The following PHACTR3 variants were observed in gnomAD, a reference collection of about 807,000 sequenced individuals.
PHACTR3 encodes the protein protein phosphatase 1, regulatory subunit 123.
A neutral mutation model predicts 66.8 loss-of-function variants in PHACTR3; 16 were observed. That is an observed-to-expected ratio of 0.24 (90% confidence interval 0.16 to 0.36). PHACTR3 has a LOEUF of 0.36. Among genes scored for constraint, PHACTR3 ranks in the 10% least tolerant of loss-of-function variants. The pLI, the probability that PHACTR3 is intolerant of heterozygous loss-of-function variation, is 1.00. For synonymous variants in PHACTR3, 323 were observed against 292.1 expected, an observed-to-expected ratio of 1.11 and a Z score of -1.08; for missense variants, 647 against 719.9, an observed-to-expected ratio of 0.90 and a Z score of 1.16.
At chr20:59,815,963 C>A (rs2041876572) in intron 8 of PHACTR3, among the ~76,000 whole-genome samples, 1 of 151,982 alleles carries the variant, frequency 6.6e-6, no homozygotes, top group Non-Finnish European at 1.5e-5. Context: ...TTCCATGGAC[C>A]AGGGAGGAGG....
At chr20:59,651,732 G>A (rs182905133) in intron 1 of PHACTR3, among the ~76,000 whole-genome samples, 4 of 152,218 alleles carry the variant, frequency 2.6e-5, no homozygotes, top group South Asian at 2.1e-4. Context: ...AGAAATGAGC[G>A]TGTTCTCTCT....
intron 1 of PHACTR3, among the ~76,000 whole-genome samples, chr20:59,589,216 A>G (rs1479817431): frequency 6.6e-6 from 1 of 152,248 alleles, no homozygotes; most frequent in African/African-American, 2.4e-5. Flanking sequence ...TGGGCTTTGG[A>G]AGACCCTTGC....
At chr20:59,636,620 A>G (rs1348428803) in intron 1 of PHACTR3, among the ~76,000 whole-genome samples, 1 of 152,202 alleles carries the variant, frequency 6.6e-6, no homozygotes, top group Non-Finnish European at 1.5e-5. Flanking sequence ...GTGACCTCTC[A>G]GAGCCTAAAT....
chr20:59,717,769 A>G (rs1260804597), intron 1 of PHACTR3, among the ~76,000 whole-genome samples: 1 of 152,230 alleles, frequency 6.6e-6, no homozygotes, highest in Non-Finnish European at 1.5e-5. Flanking sequence ...TTTTTTGACT[A>G]TTCCTCCAGA....
At position 59,818,340 on chromosome 20, in the gene PHACTR3, C is replaced by T. The variant is rs537223876; in HGVS notation, c.1328+12146C>T. The stretch of plus-strand genomic sequence containing the variant: ...GCAATGAGCCGTCACACGTAGAATG[C>T]CTGGAATCATGCCTGGCAGAGAGGA... On this transcript the variant is annotated intron_variant, in intron 8 of 12. Transcript: ENST00000371015. Among the ~76,000 whole-genome samples, 279 of 152,276 alleles carry T rather than the reference C, an allele frequency of 1.8e-3. 1 individual carries two copies. Among genetic ancestry groups the T allele is most frequent in the Middle Eastern group, 6.8e-3 (2 of 294 alleles).
chr20:59,722,868 G>A (rs1194610577), intron 1 of PHACTR3, among the ~76,000 whole-genome samples: 2 of 152,012 alleles, frequency 1.3e-5, no homozygotes, highest in Non-Finnish European at 2.9e-5. Context: ...GCTTGTAAGA[G>A]GCAAGCTTGT....
intron 4 of PHACTR3, among the ~76,000 whole-genome samples, chr20:59,758,358 G>A (rs1268056328): frequency 6.6e-6 from 1 of 152,192 alleles, no homozygotes; most frequent in Non-Finnish European, 1.5e-5. Flanking sequence ...CAATGATAGA[G>A]ATTTGCTTTT....
chr20:59,638,634 G>A (rs1164389274), intron 1 of PHACTR3, among the ~76,000 whole-genome samples: 2 of 149,306 alleles, frequency 1.3e-5, no homozygotes, highest in East Asian at 4.1e-4. Context: ...TTGGAGAATG[G>A]GTGGATGGGT....
chr20:59,681,004 C>G (rs1269071026), intron 1 of PHACTR3, among the ~76,000 whole-genome samples: 2 of 152,142 alleles, frequency 1.3e-5, no homozygotes, highest in African/African-American at 2.4e-5. Flanking sequence ...GCTGTGGCAT[C>G]TGCCCAGGAA....
At chr20:59,804,942 G>T (rs1600686436) in intron 7 of PHACTR3, among the ~76,000 whole-genome samples, 1 of 152,220 alleles carries the variant, frequency 6.6e-6, no homozygotes, top group East Asian at 1.9e-4. Context: ...GATCATATTG[G>T]ATAACAACTT....
At chr20:59,686,120 G>T (rs894856414) in intron 1 of PHACTR3, among the ~76,000 whole-genome samples, 2 of 152,188 alleles carry the variant, frequency 1.3e-5, no homozygotes, top group Non-Finnish European at 2.9e-5. Context: ...CCACCTTAAA[G>T]ACAGGAATTC....
intron 1 of PHACTR3, among the ~76,000 whole-genome samples, chr20:59,662,762 G>T (rs540670468): frequency 5.7e-4 from 87 of 152,240 alleles, no homozygotes; most frequent in African/African-American, 1.8e-3. Context: ...GGTGCTGGGG[G>T]CCAGTCCTGG....
chr20:59,672,483 C>G (rs532376999), intron 1 of PHACTR3, among the ~76,000 whole-genome samples: 21 of 152,276 alleles, frequency 1.4e-4, no homozygotes, highest in Admixed American at 3.3e-4. Flanking sequence ...GCCATGGGGG[C>G]TAGGATCTGG....
chr20:59,675,866 G>A (rs1234684881), intron 1 of PHACTR3, among the ~76,000 whole-genome samples: 2 of 152,238 alleles, frequency 1.3e-5, no homozygotes, highest in Non-Finnish European at 2.9e-5. Context: ...GCCAGCAGTA[G>A]ACATACCTGC....
At position 59,623,518 on chromosome 20, in the gene PHACTR3, G is replaced by A. The variant is rs536189832; in HGVS notation, c.118+18386G>A. ...AGCTGCTGATGGCTTTCTTGTGTAC[G>A]CTCTCAGGAAATTTCTATGCATTCT... On this transcript the variant is annotated intron_variant, in intron 1 of 12. Coordinates refer to ENST00000371015, the MANE Select transcript of PHACTR3 (RefSeq NM_080672.5). Among the ~76,000 whole-genome samples the A allele has an allele frequency of 3.9e-5, 6 of 152,288 alleles. No homozygotes were observed. In the South Asian group the frequency reaches 6.2e-4, roughly 16 times the overall value.
At chr20:59,647,897 T>G (rs1163358658) in intron 1 of PHACTR3, among the ~76,000 whole-genome samples, 1 of 152,242 alleles carries the variant, frequency 6.6e-6, no homozygotes, top group Non-Finnish European at 1.5e-5. Context: ...TTTATTTTTC[T>G]ACTTTTTGCC....
intron 9 of PHACTR3, among the ~76,000 whole-genome samples, chr20:59,839,918 G>A (rs919338761): frequency 1.3e-5 from 2 of 152,128 alleles, no homozygotes; most frequent in Admixed American, 6.5e-5. Flanking sequence ...AAGTCTGTAC[G>A]CTTATTAAGG....
chr20:59,789,928 G>A (rs2041036932), intron 7 of PHACTR3, among the ~76,000 whole-genome samples: 1 of 152,206 alleles, frequency 6.6e-6, no homozygotes, highest in Admixed American at 6.5e-5. Flanking sequence ...TTTGTGCTGG[G>A]AAATGGCTGC....
At chr20:59,622,859 C>A (rs2034293295) in intron 1 of PHACTR3, among the ~76,000 whole-genome samples, 1 of 151,670 alleles carries the variant, frequency 6.6e-6, no homozygotes, top group Non-Finnish European at 1.5e-5. Flanking sequence ...CTGTGAACTG[C>A]TATCCAGAGT....
Sources: gnomAD v4.1 joint callset for allele counts (sites outside exome capture counted in the v4.1 genomes callset) on GRCh38, gnomAD v4.1.1 for gene constraint, MANE v1.5 for transcripts, NCBI Gene and HGNC (gene_info 2026-07-23, HGNC 2026-07-21) for gene names.